BAZ1B: variants seen among roughly 807,000 people sequenced by gnomAD.
BAZ1B encodes the protein bromodomain adjacent to zinc finger domain 1B.
In BAZ1B, 22 loss-of-function variants were observed where a neutral mutation model predicts 153.8. That is an observed-to-expected ratio of 0.14 (90% CI 0.10 to 0.20). The LOEUF (loss-of-function observed/expected upper bound fraction) is 0.20, where lower values mean the gene tolerates loss of function less well. Ranked by LOEUF, BAZ1B falls within the 10% of genes least tolerant of loss-of-function variation. The pLI is 1.00. For missense variants in BAZ1B, 1,325 were observed against 1,799.3 expected (o/e 0.74, Z 4.77); for synonymous variants, 676 against 633.4 (o/e 1.07, Z -1.01).
At chr7:73,502,376 T>TA (rs1790169301) in intron 3 of BAZ1B, among the ~76,000 whole-genome samples, 1 of 151,974 alleles carries the variant, frequency 6.6e-6, no homozygotes, top group Admixed American at 6.6e-5. Context: ...TTATCACACT[T>TA]AGAGTGCAAA....
intron 16 of BAZ1B, among the ~76,000 whole-genome samples, chr7:73,446,169 T>C (rs148852511): frequency 5.8e-4 from 89 of 152,320 alleles, no homozygotes; most frequent in Non-Finnish European, 1.1e-3. Context: ...CCAGGCATCC[T>C]CTCTCTCACT....
At chr7:73,455,214 A>G (rs1169122666) in intron 13 of BAZ1B, among the ~76,000 whole-genome samples, 6 of 152,024 alleles carry the variant, frequency 3.9e-5, no homozygotes, top group African/African-American at 1.2e-4. Flanking sequence ...ACTCATCTCT[A>G]TAAAACCTCC....
chr7:73,511,467 C>T (rs1790576264), intron 1 of BAZ1B, among the ~76,000 whole-genome samples: 1 of 151,652 alleles, frequency 6.6e-6, no homozygotes, highest in African/African-American at 2.4e-5. Context: ...AGTTCGAGAC[C>T]AGCCTGGGCA....
chr7:73,494,705 C>T (rs1554576186), intron 4 of BAZ1B, among the ~76,000 whole-genome samples: 1 of 152,020 alleles, frequency 6.6e-6, no homozygotes, highest in South Asian at 2.1e-4. Context: ...GCTATGATCA[C>T]ACCACTGCAC....
intron 1 of BAZ1B, among the ~76,000 whole-genome samples, chr7:73,515,530 CCTT>C (rs1790762949): frequency 7.2e-6 from 1 of 139,436 alleles, no homozygotes; most frequent in East Asian, 2.1e-4. Context: ...CAGCCTTGTT[CCTT>C]TTTTTTTTTT....
intron 13 of BAZ1B, among the ~76,000 whole-genome samples, chr7:73,454,919 G>A (rs1404696885): frequency 1.3e-5 from 2 of 151,912 alleles, no homozygotes; most frequent in Non-Finnish European, 2.9e-5. Context: ...GCACTGGTGC[G>A]ATCTCGGCTC....
intron 7 of BAZ1B, among the ~76,000 whole-genome samples, chr7:73,472,999 G>A (rs146791823): frequency 0.013 from 1,889 of 150,616 alleles, 42 homozygotes; most frequent in African/African-American, 0.044. Flanking sequence ...CTGGAGTACG[G>A]TGGCCGATCT....
At chr7:73,512,856 C>A (rs1554578783) in intron 1 of BAZ1B, among the ~76,000 whole-genome samples, 1 of 152,184 alleles carries the variant, frequency 6.6e-6, no homozygotes, top group African/African-American at 2.4e-5. Flanking sequence ...GGAAACAAGG[C>A]TGGCCTGTAT....
chr7:73,444,230 A>T, intron 16 of BAZ1B, 101 bp from the exon 17 acceptor site: 2 of 1,359,794 alleles, frequency 1.5e-6, no homozygotes, highest in Non-Finnish European at 2.0e-6. Context: ...CTTTTCCTGG[A>T]CAAGGAAAGC....
At chr7:73,465,402 G>C (rs1252800148) in intron 11 of BAZ1B, 37 bp downstream of exon 11, 3 of 1,346,224 alleles carry the variant, frequency 2.2e-6, no homozygotes, top group Non-Finnish European at 3.1e-6. Context: ...ATGCTAAAGA[G>C]AAGTAAGATG....
chr7:73,492,084 C>A (rs1192673408), intron 5 of BAZ1B, among the ~76,000 whole-genome samples: 1 of 151,816 alleles, frequency 6.6e-6, no homozygotes, highest in Non-Finnish European at 1.5e-5. Flanking sequence ...CCTCCGCCTC[C>A]CAGGTTCAAG....
chr7:73,507,130 A>C (rs62465158), intron 3 of BAZ1B: 7,425 of 152,056 alleles, frequency 0.049, 205 homozygotes, highest in Non-Finnish European at 0.066. Flanking sequence ...CACCTGCCTC[A>C]GCCTCCCAGA....
In BAZ1B at chr7:73,450,114, C is replaced by A. The variant is rs1787983035; in HGVS notation, c.3581-425G>T. ...CCAGGCTGGAGTGCAGTGGCGCGAT[C>A]TCGGCTCACTGCAACCTCCGCCTCC... On this transcript the variant is annotated intron_variant, in intron 14 of 19. Transcript: ENST00000339594. The surrounding 1 kb of genome is among the most constrained non-coding windows in gnomAD (Gnocchi z 4.1). Among the ~76,000 whole-genome samples the A allele has an allele frequency of 6.6e-6, 1 of 151,816 alleles. No individual in the cohort carries two copies. Among genetic ancestry groups the A allele is most frequent in the Non-Finnish European group, 1.5e-5 (1 of 67,984 alleles).
chr7:73,489,061 G>C, intron 6 of BAZ1B, 133 bp downstream of exon 6: 1 of 871,824 alleles, frequency 1.1e-6, no homozygotes, highest in East Asian at 2.7e-5. Context: ...GTATGTAACA[G>C]ATATACCTGA....
intron 6 of BAZ1B, among the ~76,000 whole-genome samples, chr7:73,479,539 C>A (rs1789122579): frequency 6.6e-6 from 1 of 151,130 alleles, no homozygotes; most frequent in Non-Finnish European, 1.5e-5. Context: ...AACTCATTCC[C>A]ACAACTAATT....
At chr7:73,476,776 A>G (rs1305687859) in intron 7 of BAZ1B, 92 bp downstream of exon 7, 3 of 1,512,956 alleles carry the variant, frequency 2.0e-6, no homozygotes, top group African/African-American at 1.4e-5. Context: ...GAAATAAGTA[A>G]ACAAACAGAG....
At position 73,464,623 on chromosome 7, in the gene BAZ1B, C is replaced by T. The variant is rs368563236; in HGVS notation, c.3071+816G>A. 2.6e-5 allele frequency among the ~76,000 whole-genome samples: 4 copies of T among 152,204 alleles called. No individual in the cohort carries two copies. The South Asian group carries it at 8.3e-4, about 32-fold the overall frequency. On this transcript the variant is annotated intron_variant, in intron 11 of 19. Coordinates refer to ENST00000339594, the MANE Select transcript of BAZ1B (RefSeq NM_032408.4). ...TTGATGTCTGACTTCTTTTGCTTAGCATGTTTTCTAGGTTCATTCATGTTG... is the reference window on the plus strand; with the variant it reads ...TTGATGTCTGACTTCTTTTGCTTAGTATGTTTTCTAGGTTCATTCATGTTG...
chr7:73,487,500 A>G (rs782547434), intron 6 of BAZ1B, among the ~76,000 whole-genome samples: 2 of 152,232 alleles, frequency 1.3e-5, no homozygotes, highest in Non-Finnish European at 2.9e-5. Context: ...CCATAAAAAG[A>G]GTCTTTCACA....
intron 13 of BAZ1B, 111 bp downstream of exon 13, chr7:73,459,425 T>A: frequency 4.9e-6 from 5 of 1,028,600 alleles, no homozygotes; most frequent in Non-Finnish European, 7.0e-6. Context: ...ACAAAAACAC[T>A]CACTCAGGGC....
Sources: allele counts gnomAD v4.1 joint callset (sites outside exome capture counted in the v4.1 genomes callset), GRCh38; gene constraint gnomAD v4.1.1; non-coding constraint Gnocchi (gnomAD v3.1); transcripts MANE v1.5; gene names NCBI Gene and HGNC (gene_info 2026-07-23, HGNC 2026-07-21).